Variants in COG2 observed in about 807,000 individuals in gnomAD.
The protein encoded by COG2 is conserved oligomeric Golgi complex subunit 2.
Under a neutral mutation model 90.6 loss-of-function variants are expected in COG2, and 52 were observed. The ratio of observed to expected loss-of-function variants is 0.57; its 90% CI spans 0.46 to 0.72. The LOEUF (loss-of-function observed/expected upper bound fraction) is 0.72. Among genes scored for constraint, COG2 ranks in the 30% least tolerant of loss-of-function variants. The probability of loss-of-function intolerance (pLI) is 0.00; values close to 1 mark genes in which losing one functional copy is unlikely to be tolerated. For missense variants in COG2, 829 were observed against 891.2 expected, an observed-to-expected ratio of 0.93 and a Z score of 0.89; for synonymous variants, 337 against 320.4, an observed-to-expected ratio of 1.05 and a Z score of -0.55.
intron 17 of COG2, 26 bp from the exon 18 acceptor site, chr1:230,693,266 A>T: frequency 7.5e-7 from 1 of 1,338,034 alleles, no homozygotes; most frequent in Non-Finnish European, 1.1e-6. Flanking sequence ...TTGCAGTAAC[A>T]TAATTCATTC....
chr1:230,690,504 T>C (rs1260226709), intron 16 of COG2, among the ~76,000 whole-genome samples: 1 of 152,236 alleles, frequency 6.6e-6, no homozygotes, highest in Non-Finnish European at 1.5e-5. Context: ...CAGTCCAAAG[T>C]GGCTCTAATC....
intron 1 of COG2, among the ~76,000 whole-genome samples, chr1:230,645,120 AG>A (rs1261871913): frequency 6.6e-6 from 1 of 151,332 alleles, no homozygotes; most frequent in Admixed American, 6.6e-5. Context: ...CTGTAGTCCC[AG>A]CTACTTGGGA....
At chr1:230,693,051 G>C (rs1370674114) in intron 17 of COG2, among the ~76,000 whole-genome samples, 2 of 151,962 alleles carry the variant, frequency 1.3e-5, no homozygotes, top group Non-Finnish European at 2.9e-5. Context: ...CTTTTATTCT[G>C]TCTGATTTGA....
At chr1:230,651,121 G>A (rs1308154996) in intron 1 of COG2, among the ~76,000 whole-genome samples, 1 of 151,956 alleles carries the variant, frequency 6.6e-6, no homozygotes, top group African/African-American at 2.4e-5. Context: ...CATGTTTTGA[G>A]TGCAGAGATC....
intron 1 of COG2, among the ~76,000 whole-genome samples, chr1:230,658,898 C>T (rs1662122045): frequency 1.3e-5 from 2 of 152,094 alleles, no homozygotes; most frequent in South Asian, 4.2e-4. Flanking sequence ...AAAAGACATC[C>T]AAGTTGTATT....
chr1:230,669,232 T>G, intron 6 of COG2, 124 bp from the exon 7 acceptor site: 1 of 831,916 alleles, frequency 1.2e-6, no homozygotes, highest in South Asian at 2.2e-5. Flanking sequence ...CCAGGAAAAG[T>G]TATTATTTTG....
chr1:230,671,447 T>C, intron 7 of COG2, 69 bp from the exon 8 acceptor site: 1 of 1,413,070 alleles, frequency 7.1e-7, no homozygotes, highest in Non-Finnish European at 9.7e-7. Context: ...CTTTATTGTT[T>C]TCTCTGAAAT....
chr1:230,642,659 A>T lies in COG2; in HGVS notation c.53A>T (p.Asp18Val), dbSNP rs1018796030. ...AAGGGGCCGGACACGCTCTGCTTCG[A>T]CAAGGACGAGTTCATGAAGGTGCGC... is the stretch of plus-strand genomic sequence containing the variant. ...LPKGPDTLCF[D>V]KDEFMKEDFD... Residue 18 changes from aspartate to valine, a missense_variant, in exon 1 of 18, where the codon GAC becomes GTC. Transcript: ENST00000366669. The T allele has an allele frequency of 1.2e-6, 2 of 1,612,996 alleles. No homozygotes were observed. Among genetic ancestry groups the T allele is most frequent in the African/African-American group, 2.7e-5 (2 of 74,900 alleles).
rs973011008 is a variant in COG2 at position 230,688,132 on chromosome 1, C to A, written c.1640C>A (p.Ser547Tyr). ...GAAATGATTGGCTTTAAGAATTTTT[C>A]TTCTATCTCAGGTAAAAATGAATCT... ...KLEMIGFKNF[S>Y]SISAALEDSQ... is the part of the protein sequence containing the mutation. The change falls in exon 14 of 18, where the codon TCT becomes TAT. Residue 547 changes from serine (S) to tyrosine (Y), a missense_variant. Physicochemically the swap from Ser to Tyr is moderately radical, Grantham distance 144. Coordinates refer to ENST00000366669, the MANE Select transcript of COG2 (RefSeq NM_007357.3). The A allele has an allele frequency of 6.3e-7, 1 of 1,591,126 alleles. No homozygotes were observed. Among genetic ancestry groups the A allele is most frequent in the Non-Finnish European group, 8.6e-7 (1 of 1,169,442 alleles).
chr1:230,664,996 T>C (rs1316236802), intron 5 of COG2, among the ~76,000 whole-genome samples: 4 of 152,208 alleles, frequency 2.6e-5, no homozygotes, highest in African/African-American at 9.6e-5. Flanking sequence ...TAAGAAATAG[T>C]ACAGGACATA....
At chr1:230,690,740 T>C (rs901079256) in intron 16 of COG2, among the ~76,000 whole-genome samples, 2 of 152,222 alleles carry the variant, frequency 1.3e-5, no homozygotes, top group Non-Finnish European at 2.9e-5. Flanking sequence ...GCAGTAATAT[T>C]TTATTTACTT....
At chr1:230,683,374 TA>T in intron 10 of COG2, 199 bp from the exon 11 acceptor site, 1 of 527,064 alleles carries the variant, frequency 1.9e-6, no homozygotes, top group East Asian at 3.2e-5. Flanking sequence ...AGAACCCTTA[TA>T]TAACAGTGGC....
chr1:230,687,871 T>A, intron 13 of COG2, 200 bp from the exon 14 acceptor site: 1 of 529,186 alleles, frequency 1.9e-6, no homozygotes, highest in East Asian at 3.4e-5. Context: ...CATTAAACCA[T>A]GTGATTTCTC....
intron 1 of COG2, among the ~76,000 whole-genome samples, chr1:230,650,685 AGCTTTTTG>A (rs1661895702): frequency 6.6e-6 from 1 of 151,900 alleles, no homozygotes; most frequent in Non-Finnish European, 1.5e-5. Flanking sequence ...TGCTCTGCAG[AGCTTTTTG>A]GTTTAACGAA....
intron 1 of COG2, among the ~76,000 whole-genome samples, chr1:230,644,560 G>A (rs1039393313): frequency 2.0e-5 from 3 of 152,140 alleles, no homozygotes; most frequent in African/African-American, 7.2e-5. Context: ...ATTTAAAGTT[G>A]CTTGAAATCC....
At chr1:230,688,212 T>G in intron 14 of COG2, 69 bp downstream of exon 14, 1 of 1,261,482 alleles carries the variant, frequency 7.9e-7, no homozygotes, top group South Asian at 1.4e-5. Context: ...TCAGAGACTG[T>G]AGGGTATATT....
Position 230,642,752 on chromosome 1 carries a change from T to G in COG2, c.72+74T>G, listed in dbSNP as rs567897082. ...CCCTGTGCCCTCTGTGGCGGTCTCT[T>G]CGGTCGGCTGCTCCTGCCTGCGCAC... On this transcript the variant is annotated intron_variant, in intron 1 of 17. Transcript: ENST00000366669. The G allele has an allele frequency of 3.5e-6, 5 of 1,437,614 alleles. No individual in the cohort carries two copies. The East Asian group carries it at 1.0e-4, about 30-fold the overall frequency. The allele number at this position is 1,437,614 out of a possible 1,614,324, so 89.1% of individuals were successfully genotyped here.
chr1:230,685,026 CTAT>C (rs1458229752), intron 11 of COG2, 56 bp from the exon 12 acceptor site: 2 of 1,413,896 alleles, frequency 1.4e-6, no homozygotes, highest in Non-Finnish European at 2.0e-6. Flanking sequence ...TCACATTAGA[CTAT>C]AGCCTAAAAT....
At chr1:230,643,616 T>C (rs541415176) in intron 1 of COG2, among the ~76,000 whole-genome samples, 1 of 152,182 alleles carries the variant, frequency 6.6e-6, no homozygotes, top group South Asian at 2.1e-4. Flanking sequence ...GCCTATCTCT[T>C]TTTGATAATA....
Sources: gnomAD v4.1 joint callset for allele counts (sites outside exome capture counted in the v4.1 genomes callset) on GRCh38, gnomAD v4.1.1 for gene constraint, MANE v1.5 for transcripts, NCBI Gene and HGNC (gene_info 2026-07-23, HGNC 2026-07-21) for gene names.